The following SLC12A7 variants were observed in gnomAD, a reference collection of about 807,000 sequenced individuals.
SLC12A7 encodes the protein K-Cl cotransporter 4.
SLC12A7 carries 100 observed loss-of-function variants against 120.6 expected under a neutral mutation model. The observed-to-expected ratio is 0.83, with a 90% CI of 0.71 to 0.98. The LOEUF is 0.98. Ranked by LOEUF, SLC12A7 falls within the 50% of genes least tolerant of loss-of-function variation. The probability of loss-of-function intolerance (pLI) is 0.00; values close to 1 mark genes in which losing one functional copy is unlikely to be tolerated. For synonymous variants in SLC12A7, 760 were observed against 678.0 expected (o/e 1.12, Z -1.88); for missense variants, 1,373 against 1,548.1 (o/e 0.89, Z 1.90).
At chr5:1,125,268 A>AGTGTGTGTGTGTGT in the SLC12A7 span, among the ~76,000 whole-genome samples, 1,156 of 150,456 alleles carry the variant, frequency 7.7e-3, 14 homozygotes, top group African/African-American at 0.025. Flanking sequence ...TTTAAACGAA[A>AGTGTGTGTGTGTGT]GTGTGTGTGT....
Position 1,088,825 on chromosome 5 carries a change from G to A in SLC12A7, c.489+157C>T, listed in dbSNP as rs564340572. ...TCTCGTGGAGGAGACGGCGCTGAACGACGTCTACACGGGCGTCTGGGGAGG... is the reference window on the plus strand; with the variant it reads ...TCTCGTGGAGGAGACGGCGCTGAACAACGTCTACACGGGCGTCTGGGGAGG... On this transcript the variant is annotated intron_variant, in intron 4 of 23. Coordinates refer to ENST00000264930, the MANE Select transcript of SLC12A7 (RefSeq NM_006598.3). Among the ~76,000 whole-genome samples, 430 of 152,336 alleles carry A rather than the reference G, an allele frequency of 2.8e-3. 3 individuals carry two copies. The highest frequency in any genetic ancestry group is 9.6e-3 in the African/African-American group (399 of 41,574).
Position 1,052,079 on chromosome 5 carries a change from GAGA to G in SLC12A7, c.*278_*280del, listed in dbSNP as rs780351831. The G allele has an allele frequency of 2.5e-5, 12 of 474,722 alleles. No individual in the cohort carries two copies. Among genetic ancestry groups the G allele is most frequent in the African/African-American group, 4.0e-5 (2 of 50,610 alleles). The allele number at this position is 474,722 out of a possible 1,614,324, so 29.4% of individuals were successfully genotyped here. A position where few individuals can be genotyped will look rare whatever the true frequency, so the allele number is the denominator to read the frequency against. Reference sequence around the variant, plus strand: ...GGCTCACTGGCTTCTTGTGACCTGCGAGAAGATCTGGCCACGTCCAGGTCACTC... The same window carrying G: ...GGCTCACTGGCTTCTTGTGACCTGCGAGATCTGGCCACGTCCAGGTCACTC... On this transcript the variant is annotated 3_prime_UTR_variant, in exon 24 of 24. Transcript: ENST00000264930.
At chr5:1,075,914 C>A in intron 14 of SLC12A7, 1 of 540,146 alleles carries the variant, frequency 1.9e-6, no homozygotes. Flanking sequence ...TAACCAGAGG[C>A]CTTCCTCAGG....
chr5:1,120,923 G>A, the SLC12A7 span, among the ~76,000 whole-genome samples: 3 of 152,228 alleles, frequency 2.0e-5, no homozygotes, highest in East Asian at 5.8e-4. Context: ...AAGGGCTCCT[G>A]GGCCTGCCCG....
At chr5:1,109,505 C>T (rs895576676) in intron 1 of SLC12A7, among the ~76,000 whole-genome samples, 1 of 152,250 alleles carries the variant, frequency 6.6e-6, no homozygotes, top group Non-Finnish European at 1.5e-5. Context: ...GGGCACAGTG[C>T]CCATCCCCGG....
In SLC12A7 at chr5:1,053,418, A is replaced by C. The variant is rs757527559; in HGVS notation, c.3091T>G (p.Ser1031Ala). The change falls in exon 23 of 24, where the codon TCC becomes GCC. Residue 1031 changes from serine to alanine, a missense_variant. By Grantham distance (99) the Ser-to-Ala change is moderately conservative. Transcript: ENST00000264930. ...VKLNGVVLNK[S>A]QDAQLVLLNM... is the part of the protein sequence containing the mutation. Reference sequence around the variant, plus strand: ...AGCAGGACCAGCTGCGCATCCTGGGACTTGTTGAGGACGACGCCATTGAGC... The same window carrying C: ...AGCAGGACCAGCTGCGCATCCTGGGCCTTGTTGAGGACGACGCCATTGAGC... The C allele has an allele frequency of 1.7e-5, 28 of 1,613,830 alleles. No individual in the cohort carries two copies. Among genetic ancestry groups the C allele is most frequent in the African/African-American group, 2.7e-5 (2 of 74,928 alleles).
In SLC12A7 at chr5:1,097,883, G is replaced by A. The variant is rs79953815; in HGVS notation, c.125-3635C>T. ...GAGAAGAGTGTCGCTTGGTCTCTACGGAGGCCACAGCAAGCGTGCTCTCAG... is the reference window on the plus strand; with the variant it reads ...GAGAAGAGTGTCGCTTGGTCTCTACAGAGGCCACAGCAAGCGTGCTCTCAG... On this transcript the variant is annotated intron_variant, in intron 1 of 23. Coordinates refer to ENST00000264930, the MANE Select transcript of SLC12A7 (RefSeq NM_006598.3). 1.4e-3 allele frequency among the ~76,000 whole-genome samples: 207 copies of A among 152,112 alleles called. 1 individual carries two copies. Among genetic ancestry groups the A allele is most frequent in the African/African-American group, 4.3e-3 (180 of 41,454 alleles).
At chr5:1,074,264 G>T (rs906536117) in intron 16 of SLC12A7, among the ~76,000 whole-genome samples, 1 of 152,120 alleles carries the variant, frequency 6.6e-6, no homozygotes, top group African/African-American at 2.4e-5. Context: ...CCCCGCCGAG[G>T]CCCTGAGGGG....
At chr5:1,080,011 G>A (rs1265637960) in intron 9 of SLC12A7, among the ~76,000 whole-genome samples, 2 of 152,230 alleles carry the variant, frequency 1.3e-5, no homozygotes, top group South Asian at 2.1e-4. Context: ...CTGGGAAGCC[G>A]GGTCGGTGGG....
chr5:1,077,116 C>T (rs565050421), intron 12 of SLC12A7, among the ~76,000 whole-genome samples: 2 of 151,842 alleles, frequency 1.3e-5, no homozygotes, highest in South Asian at 2.1e-4. Flanking sequence ...CCAGGGCACT[C>T]GCGGTTCCCC....
upstream of SLC12A7, among the ~76,000 whole-genome samples, chr5:1,113,523 C>T (rs1268646209): frequency 6.6e-6 from 1 of 152,188 alleles, no homozygotes; most frequent in African/African-American, 2.4e-5. Flanking sequence ...GCCCATCCAG[C>T]ACCAGCCCTT....
At chr5:1,082,913 CCG>C (rs1449485682) in intron 8 of SLC12A7, among the ~76,000 whole-genome samples, 6 of 147,788 alleles carry the variant, frequency 4.1e-5, no homozygotes, top group African/African-American at 1.0e-4. Context: ...CCTGGGCTTC[CCG>C]TCTCGGGTTC....
chr5:1,093,618 A>G lies in SLC12A7; in HGVS notation c.257T>C (p.Leu86Pro), dbSNP rs1280486838. The G allele has an allele frequency of 1.2e-6, 2 of 1,613,076 alleles. No individual in the cohort carries two copies. The highest frequency in any genetic ancestry group is 2.2e-5 in the East Asian group (1 of 44,858). The part of the protein sequence containing the change: ...MDSNPMVSSL[L>P]NKLANYTNLS... ...GTTGGTGTAGTTGGCCAGCTTGTTG[A>G]GCAGCGAGGACACCATGGGGTTACT... The change falls in exon 3 of 24, where the codon CTC becomes CCC. Residue 86 changes from leucine (L) to proline (P), a missense_variant. Coordinates refer to ENST00000264930, the MANE Select transcript of SLC12A7 (RefSeq NM_006598.3).
At chr5:1,091,287 CAG>C (rs1289143722) in intron 3 of SLC12A7, among the ~76,000 whole-genome samples, 2 of 152,210 alleles carry the variant, frequency 1.3e-5, no homozygotes, top group Non-Finnish European at 2.9e-5. Context: ...AGTCATGTCT[CAG>C]TACCAAGTAG....
At chr5:1,149,956 G>A in the SLC12A7 span, among the ~76,000 whole-genome samples, 3 of 152,190 alleles carry the variant, frequency 2.0e-5, no homozygotes, top group African/African-American at 7.2e-5. Context: ...CTTGAATCTG[G>A]GAGGTGGAGG....
At chr5:1,097,619 C>A (rs761277761) in intron 1 of SLC12A7, among the ~76,000 whole-genome samples, 1 of 152,198 alleles carries the variant, frequency 6.6e-6, no homozygotes, top group Non-Finnish European at 1.5e-5. Context: ...CAGCGAGGCA[C>A]GACTCTGTCC....
At chr5:1,053,303 C>T (rs563294918) in intron 23 of SLC12A7, 46 bp downstream of exon 23, 1 of 1,593,534 alleles carries the variant, frequency 6.3e-7, no homozygotes, top group African/African-American at 1.3e-5. Context: ...GAGAAGCCAC[C>T]AGGGGGTGCC....
rs1561081553 is a variant in SLC12A7, at chr5:1,086,859, CCA to C, written c.675+42_675+43del. 6 of 1,602,514 alleles carry C rather than the reference CCA, an allele frequency of 3.7e-6. No individual in the cohort carries two copies. The Admixed American group carries it at 5.0e-5, about 13-fold the overall frequency. On this transcript the variant is annotated intron_variant, in intron 6 of 23. Coordinates refer to ENST00000264930, the MANE Select transcript of SLC12A7 (RefSeq NM_006598.3). ...TCAGGCAGGGCCCCTTGGCATCCTG[CCA>C]CAGACTGTGGGGTGGGAACCCTTCC...
intron 20 of SLC12A7, among the ~76,000 whole-genome samples, chr5:1,062,009 C>A (rs1340476674): frequency 6.6e-6 from 1 of 152,216 alleles, no homozygotes; most frequent in Non-Finnish European, 1.5e-5. Flanking sequence ...AGCCAGGTGG[C>A]ACTTGTCCCT....
Sources: gnomAD v4.1 joint callset for allele counts (sites outside exome capture counted in the v4.1 genomes callset) on GRCh38, gnomAD v4.1.1 for gene constraint, MANE v1.5 for transcripts, NCBI Gene and HGNC (gene_info 2026-07-23, HGNC 2026-07-21) for gene names.